PHGDH: variants seen among roughly 807,000 people sequenced by gnomAD.
PHGDH encodes phosphoglycerate dehydrogenase, also known as D-3-phosphoglycerate dehydrogenase.
Under a neutral mutation model 52.6 loss-of-function variants are expected in PHGDH, and 50 were observed. The observed-to-expected ratio is 0.95, with a 90% CI of 0.76 to 1.20. The LOEUF is 1.20. Ranked by LOEUF, PHGDH falls within the 50% of genes most tolerant of loss-of-function variation. PHGDH has a pLI of 0.00. For synonymous variants in PHGDH, 271 were observed against 280.5 expected (o/e 0.97, Z 0.34); for missense variants, 630 against 684.6 (o/e 0.92, Z 0.89).
intron 3 of PHGDH, chr1:119,725,060 C>T (rs587655960): frequency 2.4e-4 from 108 of 452,002 alleles, no homozygotes; most frequent in African/African-American, 9.8e-4. Context: ...GAGCAGATGG[C>T]GGGGGCTCCT....
intron 1 of PHGDH, 108 bp downstream of exon 1, chr1:119,712,268 T>A: frequency 3.4e-6 from 3 of 892,774 alleles, no homozygotes; most frequent in Non-Finnish European, 5.3e-6. Context: ...TATCAATTAG[T>A]TCCGGGGCCT....
chr1:119,743,067 G>A lies in PHGDH; in HGVS notation c.1447+23G>A, dbSNP rs777658780. On this transcript the variant is annotated intron_variant, in intron 11 of 11. Coordinates refer to ENST00000641023, the MANE Select transcript of PHGDH (RefSeq NM_006623.4). ...TTGGTGAGGAGGGCCCTGTAGGGCT[G>A]GCTGGTGTCCTTGAGGCTGGGGTGG... 9 of 1,495,122 alleles carry A rather than the reference G, an allele frequency of 6.0e-6. No homozygotes were observed. The South Asian group carries it at 1.0e-4, about 17-fold the overall frequency. 92.6% of individuals were successfully genotyped at this position (1,495,122 alleles called of 1,614,324 possible). A position where few individuals can be genotyped will look rare whatever the true frequency, so the allele number is the denominator to read the frequency against.
intron 7 of PHGDH, among the ~76,000 whole-genome samples, chr1:119,735,933 G>A (rs765080633): frequency 2.0e-5 from 3 of 152,266 alleles, no homozygotes; most frequent in African/African-American, 7.2e-5. Flanking sequence ...CAGGGTCCTC[G>A]GGGTGGGCTG....
At chr1:119,740,936 A>G (rs1652175413) in intron 9 of PHGDH, among the ~76,000 whole-genome samples, 1 of 152,094 alleles carries the variant, frequency 6.6e-6, no homozygotes, top group Non-Finnish European at 1.5e-5. Context: ...CTTCACTTGT[A>G]AAGTGAGAGT....
chr1:119,712,453 CGGATGCCAGCGCG>C lies in PHGDH; in HGVS notation c.138+308_138+320del, dbSNP rs1008042836. On this transcript the variant is annotated intron_variant, in intron 1 of 11. Coordinates refer to ENST00000641023, the MANE Select transcript of PHGDH (RefSeq NM_006623.4). ...TCCAACTGGTCCTGCAGGCTGCTCG[CGGATGCCAGCGCG>C]GGATGCCAGCGCGGCGCCCCAGCGC... 436 of 394,848 alleles carry C rather than the reference CGGATGCCAGCGCG, an allele frequency of 1.1e-3. 1 individual carries two copies. Among genetic ancestry groups the C allele is most frequent in the Non-Finnish European group, 1.6e-3 (323 of 208,240 alleles). 24.5% of individuals were successfully genotyped at this position (394,848 alleles called of 1,614,324 possible).
chr1:119,722,776 T>A (rs1325682533), intron 2 of PHGDH, among the ~76,000 whole-genome samples: 2 of 151,680 alleles, frequency 1.3e-5, no homozygotes, highest in East Asian at 3.9e-4. Flanking sequence ...GGCACCAGCC[T>A]GTAGTCTCAG....
intron 5 of PHGDH, among the ~76,000 whole-genome samples, chr1:119,733,594 C>T (rs1651801838): frequency 6.6e-6 from 1 of 152,050 alleles, no homozygotes; most frequent in East Asian, 1.9e-4. Flanking sequence ...CCTCAGCCTC[C>T]CAAAGTGCTG....
intron 5 of PHGDH, chr1:119,730,068 A>G (rs1651626432): frequency 6.6e-6 from 1 of 152,086 alleles, no homozygotes; most frequent in Non-Finnish European, 1.5e-5. Flanking sequence ...TCAGCTGCTT[A>G]CCTCAACCAC....
At chr1:119,732,693 G>C (rs932349575) in intron 5 of PHGDH, among the ~76,000 whole-genome samples, 2 of 152,188 alleles carry the variant, frequency 1.3e-5, no homozygotes, top group African/African-American at 4.8e-5. Flanking sequence ...TGTGAAAGAA[G>C]GAAGCTGAGT....
At chr1:119,737,023 C>T in intron 7 of PHGDH, 91 bp from the exon 8 acceptor site, 2 of 1,284,520 alleles carry the variant, frequency 1.6e-6, no homozygotes, top group South Asian at 1.2e-5. Context: ...CTCCTGACTG[C>T]CTTCCCTCCA....
At chr1:119,729,689 A>G (rs1038930470) in intron 5 of PHGDH, 1 of 152,188 alleles carries the variant, frequency 6.6e-6, no homozygotes, top group Non-Finnish European at 1.5e-5. Context: ...GATGCTTCCA[A>G]GAGGTGCATG....
At chr1:119,721,783 C>CTAATTTTTT in intron 2 of PHGDH, 1 of 158,738 alleles carries the variant, frequency 6.3e-6, no homozygotes, top group Admixed American at 6.0e-5. Context: ...TGCTAGCAGA[C>CTAATTTTTT]TAATGACTAG....
At chr1:119,732,155 G>T (rs967611345) in intron 5 of PHGDH, among the ~76,000 whole-genome samples, 1 of 152,220 alleles carries the variant, frequency 6.6e-6, no homozygotes, top group Non-Finnish European at 1.5e-5. Context: ...CTTCTTCAGA[G>T]CCTCTTTAAC....
intron 8 of PHGDH, 127 bp from the exon 9 acceptor site, chr1:119,740,259 C>T: frequency 1.1e-6 from 1 of 885,322 alleles, no homozygotes; most frequent in Non-Finnish European, 1.8e-6. Context: ...TTGTCACCCA[C>T]CAGGCACCAA....
Position 119,743,996 on chromosome 1 carries a change from G to C in PHGDH, c.1558G>C (p.Ala520Pro). The C allele has an allele frequency of 6.2e-7, 1 of 1,614,210 alleles. No individual in the cohort carries two copies. Among genetic ancestry groups the C allele is most frequent in the Non-Finnish European group, 8.5e-7 (1 of 1,180,002 alleles). ...GISSLLPSLEAWKQHVTEAFQ... is the reference protein window; with the variant it reads ...GISSLLPSLEPWKQHVTEAFQ... ...CTCCTCCTTGCTGCCCAGCCTGGAAGCGTGGAAGCAGCATGTGACTGAAGC... is the reference window on the plus strand; with the variant it reads ...CTCCTCCTTGCTGCCCAGCCTGGAACCGTGGAAGCAGCATGTGACTGAAGC... The change falls in exon 12 of 12, where the codon GCG becomes CCG. Residue 520 changes from alanine (A) to proline (P), a missense_variant. By Grantham distance (27) the Ala-to-Pro change is conservative (BLOSUM62 -1). Transcript: ENST00000641023.
chr1:119,725,016 A>T lies in PHGDH; in HGVS notation c.356+1575A>T, dbSNP rs148608236. 80 of 456,556 alleles carry T rather than the reference A, an allele frequency of 1.8e-4. 1 individual carries two copies. In the East Asian group the frequency reaches 3.1e-3, roughly 18 times the overall value. 28.3% of individuals were successfully genotyped at this position (456,556 alleles called of 1,614,324 possible). A position where few individuals can be genotyped will look rare whatever the true frequency, so the allele number is the denominator to read the frequency against. On this transcript the variant is annotated intron_variant, in intron 3 of 11. Coordinates refer to ENST00000641023, the MANE Select transcript of PHGDH (RefSeq NM_006623.4). ...ACAGGATTGGGCAATGTGGGTGGAGAGCAGGCGTGGCTGGGCCTCACAGTA... is the reference window on the plus strand; with the variant it reads ...ACAGGATTGGGCAATGTGGGTGGAGTGCAGGCGTGGCTGGGCCTCACAGTA...
At chr1:119,736,386 G>A (rs1288662176) in intron 7 of PHGDH, among the ~76,000 whole-genome samples, 1 of 152,178 alleles carries the variant, frequency 6.6e-6, no homozygotes, top group East Asian at 1.9e-4. Context: ...ATGTGGCCGG[G>A]ACTCACAGGA....
At chr1:119,742,763 G>T (rs917825265) in intron 10 of PHGDH, 44 bp from the exon 11 acceptor site, 3 of 1,215,536 alleles carry the variant, frequency 2.5e-6, no homozygotes, top group Non-Finnish European at 3.6e-6. Context: ...GGTGGACGTG[G>T]TGCAGCCAGG....
chr1:119,723,586 G>T, intron 3 of PHGDH, 145 bp downstream of exon 3: 2 of 714,346 alleles, frequency 2.8e-6, no homozygotes, highest in Non-Finnish European at 5.1e-6. Context: ...AGACTGCAAA[G>T]AACCTTTAAG....
Sources: gnomAD v4.1 joint callset for allele counts (sites outside exome capture counted in the v4.1 genomes callset) on GRCh38, gnomAD v4.1.1 for gene constraint, MANE v1.5 for transcripts, NCBI Gene and HGNC (gene_info 2026-07-23, HGNC 2026-07-21) for gene names.